The following TENM3 variants were observed in gnomAD, a reference collection of about 807,000 sequenced individuals.
The protein encoded by TENM3 is teneurin-3.
Under a neutral mutation model 255.1 loss-of-function variants are expected in TENM3, and 63 were observed. The observed-to-expected ratio is 0.25, with a 90% CI of 0.20 to 0.30. The LOEUF is 0.30. TENM3 is among the 10% of genes least tolerant of loss of function. TENM3 has a pLI of 1.00. For synonymous variants in TENM3, 1,306 were observed against 1,322.3 expected (o/e 0.99, Z 0.27); for missense variants, 2,929 against 3,461.1 (o/e 0.85, Z 3.86).
At chr4:182,227,637 CTTTT>C (rs531262242) in intron 1 of TENM3, among the ~76,000 whole-genome samples, 3 of 127,270 alleles carry the variant, frequency 2.4e-5, no homozygotes, top group South Asian at 5.2e-4. Flanking sequence ...ATGTGCAGGG[CTTTT>C]TTTTTTTTTT....
the TENM3 span, among the ~76,000 whole-genome samples, chr4:181,526,089 G>A: frequency 6.6e-6 from 1 of 152,094 alleles, no homozygotes; most frequent in Non-Finnish European, 1.5e-5. Context: ...ACAATTTCAA[G>A]GAAACAGACA....
At chr4:182,307,925 C>T (rs1186077128) in intron 1 of TENM3, among the ~76,000 whole-genome samples, 2 of 152,222 alleles carry the variant, frequency 1.3e-5, no homozygotes, top group African/African-American at 2.4e-5. Context: ...CTGCCTTGCT[C>T]TCTGTGCCTG....
chr4:181,707,211 G>A, the TENM3 span, among the ~76,000 whole-genome samples: 3 of 152,160 alleles, frequency 2.0e-5, no homozygotes, highest in Non-Finnish European at 4.4e-5. Context: ...GCAACAGGGC[G>A]CGAAATCTAA....
the TENM3 span, among the ~76,000 whole-genome samples, chr4:181,779,072 AAC>A: frequency 1.3e-5 from 2 of 152,164 alleles, no homozygotes; most frequent in African/African-American, 4.8e-5. Flanking sequence ...GAGAGTAGTG[AAC>A]AGGTCTGTGG....
intron 1 of TENM3, among the ~76,000 whole-genome samples, chr4:182,164,014 T>G (rs143691990): frequency 6.6e-6 from 1 of 152,308 alleles, no homozygotes; most frequent in East Asian, 1.9e-4. Flanking sequence ...TAGCTCCAGA[T>G]ATGAGTATCC....
chr4:182,469,532 TGGC>T (rs899718798), intron 3 of TENM3, among the ~76,000 whole-genome samples: 1 of 152,028 alleles, frequency 6.6e-6, no homozygotes, highest in Admixed American at 6.6e-5. Flanking sequence ...CTGGCCAACA[TGGC>T]GAAACCCTGT....
At position 182,673,048 on chromosome 4, in the gene TENM3, C is replaced by T. The variant is rs764698626; in HGVS notation, c.1155C>T (p.Ser385=). The change falls in exon 7 of 28, where the codon TCC becomes TCT. Residue 385 remains serine, a synonymous_variant. Coordinates refer to ENST00000511685, the MANE Select transcript of TENM3 (RefSeq NM_001080477.4). ...GFTQENNTID[S]GELDIGRRAI... ...CGCAAGAAAATAACACCATAGATTCCGGAGAACTTGATATTGGCCGAAGAG... is the reference window on the plus strand; with the variant it reads ...CGCAAGAAAATAACACCATAGATTCTGGAGAACTTGATATTGGCCGAAGAG... The T allele has an allele frequency of 1.0e-5, 16 of 1,605,020 alleles. No individual in the cohort carries two copies. Among genetic ancestry groups the T allele is most frequent in the East Asian group, 6.7e-5 (3 of 44,704 alleles).
chr4:181,577,201 A>G, the TENM3 span, among the ~76,000 whole-genome samples: 15 of 127,468 alleles, frequency 1.2e-4, no homozygotes, highest in Middle Eastern at 3.6e-3. Flanking sequence ...TATATATTAT[A>G]TATATATATT....
At chr4:181,803,827 T>C in the TENM3 span, among the ~76,000 whole-genome samples, 19 of 151,514 alleles carry the variant, frequency 1.3e-4, no homozygotes, top group Non-Finnish European at 2.7e-4. Flanking sequence ...TCCCAGCTAC[T>C]TGGGAGGCTG....
chr4:181,890,887 G>A, the TENM3 span, among the ~76,000 whole-genome samples: 1 of 152,094 alleles, frequency 6.6e-6, no homozygotes, highest in Non-Finnish European at 1.5e-5. Context: ...AAATTCTATT[G>A]TTTTCCTGGA....
At chr4:181,493,926 T>C in the TENM3 span, among the ~76,000 whole-genome samples, 1 of 152,058 alleles carries the variant, frequency 6.6e-6, no homozygotes, top group African/African-American at 2.4e-5. Flanking sequence ...ACCACCGCAA[T>C]AATAATATCA....
the TENM3 span, among the ~76,000 whole-genome samples, chr4:182,071,058 C>T: frequency 6.6e-6 from 1 of 151,910 alleles, no homozygotes; most frequent in Admixed American, 6.6e-5. Flanking sequence ...GCTACTGACG[C>T]TTGAATTAAG....
chr4:181,990,104 A>G, the TENM3 span, among the ~76,000 whole-genome samples: 1 of 152,164 alleles, frequency 6.6e-6, no homozygotes, highest in South Asian at 2.1e-4. Context: ...ACCAGCTACG[A>G]AAAGGAAGGT....
chr4:182,148,047 T>C lies in TENM3; in HGVS notation c.-76+3293T>C, dbSNP rs191090807. 3.9e-4 allele frequency among the ~76,000 whole-genome samples: 59 copies of C among 152,264 alleles called. No homozygotes were observed. In the East Asian group the frequency reaches 5.4e-3, roughly 14 times the overall value. On this transcript the variant is annotated intron_variant, in intron 1 of 2. Coordinates refer to the TENM3 transcript ENST00000512480. ...TAAAATAAAATAAAATAAACCTTAG[T>C]CTGAAAACTAATTGTTGTGTCTTAT...
At chr4:181,921,992 C>G in the TENM3 span, among the ~76,000 whole-genome samples, 4 of 152,140 alleles carry the variant, frequency 2.6e-5, no homozygotes, top group Non-Finnish European at 4.4e-5. Context: ...TTGAGATAAT[C>G]GTGTGATTTT....
chr4:182,334,557 T>C (rs1763983352), intron 2 of TENM3, among the ~76,000 whole-genome samples: 1 of 152,116 alleles, frequency 6.6e-6, no homozygotes, highest in Non-Finnish European at 1.5e-5. Flanking sequence ...TTTTCAAAAG[T>C]ATGATGAAGC....
intron 1 of TENM3, among the ~76,000 whole-genome samples, chr4:182,249,165 C>T (rs1757836785): frequency 6.6e-6 from 1 of 152,204 alleles, no homozygotes; most frequent in African/African-American, 2.4e-5. Flanking sequence ...ATCACCCACA[C>T]CACCAGCTGT....
chr4:182,245,429 A>G (rs907404899), intron 1 of TENM3, among the ~76,000 whole-genome samples: 3 of 152,318 alleles, frequency 2.0e-5, no homozygotes, highest in African/African-American at 7.2e-5. Context: ...CCCCAAGAGT[A>G]AATCAGAAAT....
chr4:181,742,823 TCCCTCCC>T, the TENM3 span, among the ~76,000 whole-genome samples: 1 of 93,958 alleles, frequency 1.1e-5, no homozygotes, highest in Non-Finnish European at 2.1e-5. Flanking sequence ...TTATCCCTCC[TCCCTCCC>T]CCCTCCCCAC....
Sources: allele counts gnomAD v4.1 joint callset (sites outside exome capture counted in the v4.1 genomes callset), GRCh38; gene constraint gnomAD v4.1.1; transcripts MANE v1.5; gene names NCBI Gene and HGNC (gene_info 2026-07-23, HGNC 2026-07-21).